Variants in TRPM6 observed in about 807,000 individuals in gnomAD.
The protein encoded by TRPM6 is transient receptor potential cation channel subfamily M member 6.
In TRPM6, 111 loss-of-function variants were observed where a neutral mutation model predicts 247.6. The ratio of observed to expected loss-of-function variants is 0.45; its 90% confidence interval spans 0.38 to 0.52. TRPM6 has a LOEUF of 0.52. TRPM6 is among the 20% of genes least tolerant of loss of function. The probability of loss-of-function intolerance (pLI) is 0.00; values close to 1 mark genes in which losing one functional copy is unlikely to be tolerated. For missense variants in TRPM6, 2,126 were observed against 2,421.5 expected (o/e 0.88, Z 2.56); for synonymous variants, 892 against 853.8 (o/e 1.04, Z -0.78).
intron 18 of TRPM6, among the ~76,000 whole-genome samples, chr9:74,794,886 CCA>C (rs1271452672): frequency 1.4e-5 from 2 of 147,244 alleles, no homozygotes; most frequent in East Asian, 2.0e-4. Flanking sequence ...CCTGACCACC[CCA>C]CACTCTTTTT....
At chr9:74,795,373 C>T (rs1828054305) in intron 18 of TRPM6, among the ~76,000 whole-genome samples, 1 of 152,208 alleles carries the variant, frequency 6.6e-6, no homozygotes, top group African/African-American at 2.4e-5. Flanking sequence ...TACTCCTTCA[C>T]AGGATATACA....
intron 14 of TRPM6, 62 bp from the exon 15 acceptor site, chr9:74,803,948 TAAAAC>T: frequency 1.6e-5 from 17 of 1,085,826 alleles, no homozygotes; most frequent in Non-Finnish European, 2.3e-5. Context: ...ATTTTTAAAA[TAAAAC>T]AAAAGGAGGG....
chr9:74,727,945 C>T (rs1825388256), intron 38 of TRPM6, among the ~76,000 whole-genome samples: 1 of 152,034 alleles, frequency 6.6e-6, no homozygotes, highest in Admixed American at 6.6e-5. Flanking sequence ...GGGGCAAAGA[C>T]CAGCCTCGGT....
chr9:74,754,920 A>G (rs1393161611), intron 28 of TRPM6, among the ~76,000 whole-genome samples: 2 of 152,320 alleles, frequency 1.3e-5, no homozygotes, highest in East Asian at 3.9e-4. Flanking sequence ...ATAATTGCCC[A>G]CAGAATAAAC....
At chr9:74,744,187 G>A (rs1281217047) in intron 31 of TRPM6, 42 bp from the exon 32 acceptor site, 2 of 1,575,534 alleles carry the variant, frequency 1.3e-6, no homozygotes, top group Admixed American at 3.3e-5. Flanking sequence ...TACATGGCTG[G>A]AGATAAATAC....
At chr9:74,864,604 T>G (rs1830787625) in intron 1 of TRPM6, among the ~76,000 whole-genome samples, 2 of 152,200 alleles carry the variant, frequency 1.3e-5, no homozygotes, top group African/African-American at 2.4e-5. Flanking sequence ...TCATCTCACT[T>G]TGGTGGTAAA....
In TRPM6 at chr9:74,810,832, C is replaced by T. The variant is rs374914954; in HGVS notation, c.1480G>A (p.Val494Ile). Residue 494 changes from valine to isoleucine, a missense_variant, in exon 13 of 39, where the codon GTC becomes ATC. By Grantham distance (29) the Val-to-Ile change is conservative. This residue lies in a region of TRPM6 where 1,082 missense variants were observed against 1,307.9 expected (regional missense o/e 0.83). Coordinates refer to ENST00000360774, the MANE Select transcript of TRPM6 (RefSeq NM_017662.5). ...TAGGTTACCTGTTTCACATCTTGGA[C>T]GAGATGATGCAAGAGTGTATTAGTA... Reference protein sequence around the residue: ...GPTNTLLHHLVQDVKQHTLLS... With the variant: ...GPTNTLLHHLIQDVKQHTLLS... 5.6e-6 allele frequency: 9 copies of T among 1,613,530 alleles called. No homozygotes were observed. Among genetic ancestry groups the T allele is most frequent in the African/African-American group, 1.3e-5 (1 of 74,844 alleles).
intron 33 of TRPM6, among the ~76,000 whole-genome samples, 175 bp from the exon 34 acceptor site, chr9:74,740,184 T>C (rs1211552959): frequency 1.3e-5 from 2 of 152,182 alleles, no homozygotes; most frequent in East Asian, 3.8e-4. Context: ...TGTTTCCATG[T>C]TATTTATTGT....
intron 3 of TRPM6, among the ~76,000 whole-genome samples, chr9:74,853,161 G>A (rs1830406485): frequency 6.6e-6 from 1 of 152,026 alleles, no homozygotes; most frequent in African/African-American, 2.4e-5. Context: ...TGGGAGGTGA[G>A]CAGCGTCTCT....
intron 33 of TRPM6, among the ~76,000 whole-genome samples, chr9:74,741,594 G>A (rs542882959): frequency 3.3e-5 from 5 of 152,144 alleles, no homozygotes. Context: ...GAAGGCATCT[G>A]CATTAACAAT....
intron 1 of TRPM6, among the ~76,000 whole-genome samples, chr9:74,867,395 A>T (rs552882286): frequency 3.3e-5 from 5 of 152,260 alleles, no homozygotes; most frequent in African/African-American, 1.2e-4. Context: ...GTGTGTAGAC[A>T]CTAGAGTGGA....
chr9:74,855,698 C>T (rs1830503584), intron 2 of TRPM6, 133 bp from the exon 3 acceptor site: 1 of 702,108 alleles, frequency 1.4e-6, no homozygotes, highest in African/African-American at 1.8e-5. Flanking sequence ...TATCATGTTC[C>T]AAATATTCCA....
In TRPM6 at chr9:74,752,355, G is replaced by A; in HGVS notation, c.4920C>T (p.Tyr1640=). ...CTTTAGTTTTCATTTTCTGATGTAT[G>A]TAAGGTTCTACACCTTGTAAAGAGG... ...SKFSHTGVEP[Y]IHQKMKTKEI... Residue 1640 remains tyrosine (Y), a synonymous_variant, in exon 29 of 39, where the codon TAC becomes TAT. Coordinates refer to ENST00000360774, the MANE Select transcript of TRPM6 (RefSeq NM_017662.5). 1 of 1,574,768 alleles carries A rather than the reference G, an allele frequency of 6.4e-7. No homozygotes were observed. The highest frequency in any genetic ancestry group is 8.7e-7 in the Non-Finnish European group (1 of 1,149,846).
At chr9:74,813,255 A>T (rs77967152) in intron 11 of TRPM6, among the ~76,000 whole-genome samples, 1 of 152,210 alleles carries the variant, frequency 6.6e-6, no homozygotes, top group Non-Finnish European at 1.5e-5. Context: ...GGAGGACAAG[A>T]GTGGAGACAA....
intron 1 of TRPM6, among the ~76,000 whole-genome samples, chr9:74,879,224 G>T (rs1831283958): frequency 6.6e-6 from 1 of 151,506 alleles, no homozygotes; most frequent in African/African-American, 2.4e-5. Flanking sequence ...CAATCAAGCA[G>T]AAAGAATATG....
intron 4 of TRPM6, among the ~76,000 whole-genome samples, chr9:74,841,796 T>G (rs1021586061): frequency 1.3e-5 from 2 of 152,220 alleles, no homozygotes; most frequent in Admixed American, 1.3e-4. Flanking sequence ...TGAGCCAACG[T>G]GCCCAGCCTG....
chr9:74,737,071 C>T (rs1274588778), intron 36 of TRPM6, among the ~76,000 whole-genome samples: 1 of 152,040 alleles, frequency 6.6e-6, no homozygotes, highest in African/African-American at 2.4e-5. Flanking sequence ...ATTTGAGCTA[C>T]AAAAATAGAT....
At chr9:74,796,418 C>T (rs963336769) in intron 18 of TRPM6, among the ~76,000 whole-genome samples, 1 of 152,128 alleles carries the variant, frequency 6.6e-6, no homozygotes, top group African/African-American at 2.4e-5. Context: ...TGGTATATGG[C>T]TATGTCCAAA....
intron 1 of TRPM6, among the ~76,000 whole-genome samples, chr9:74,870,440 C>G (rs1290880412): frequency 6.6e-6 from 1 of 151,984 alleles, no homozygotes; most frequent in African/African-American, 2.4e-5. Context: ...TCATGTCAAG[C>G]TATAATGAAA....
Sources: gnomAD v4.1 joint callset for allele counts (sites outside exome capture counted in the v4.1 genomes callset) on GRCh38, gnomAD v4.1.1 for gene constraint, gnomAD v4.1.1 regional missense constraint, MANE v1.5 for transcripts, NCBI Gene and HGNC (gene_info 2026-07-23, HGNC 2026-07-21) for gene names.